JAK1: variants seen among roughly 807,000 people sequenced by gnomAD.
The protein encoded by JAK1 is tyrosine-protein kinase JAK1.
JAK1 carries 16 observed loss-of-function variants against 136.6 expected under a neutral mutation model. The observed-to-expected ratio is 0.12, with a 90% CI of 0.08 to 0.18. The LOEUF (loss-of-function observed/expected upper bound fraction) is 0.18, where lower values mean the gene tolerates loss of function less well. Ranked by LOEUF, JAK1 falls within the 10% of genes least tolerant of loss-of-function variation. JAK1 has a pLI of 1.00. For missense variants in JAK1, 859 were observed against 1,450.1 expected (o/e 0.59, Z 6.62); for synonymous variants, 492 against 519.5 (o/e 0.95, Z 0.72).
At chr1:64,901,746 T>C (rs928329117) in intron 1 of JAK1, among the ~76,000 whole-genome samples, 1 of 152,212 alleles carries the variant, frequency 6.6e-6, no homozygotes, top group Non-Finnish European at 1.5e-5. Flanking sequence ...CATCACTATC[T>C]ACTTCCAGAA....
intron 2 of JAK1, among the ~76,000 whole-genome samples, chr1:65,019,961 C>T (rs1646923628): frequency 6.6e-6 from 1 of 151,192 alleles, no homozygotes; most frequent in African/African-American, 2.4e-5. Flanking sequence ...CGTGGTGGCT[C>T]ACGCCTGTAA....
At chr1:64,843,795 G>A (rs752514754) in intron 17 of JAK1, among the ~76,000 whole-genome samples, 22 of 152,158 alleles carry the variant, frequency 1.4e-4, no homozygotes, top group Middle Eastern at 3.2e-3. Context: ...TATCGAGCTT[G>A]TACTGCATGC....
chr1:64,891,196 C>T (rs929810507), intron 1 of JAK1, among the ~76,000 whole-genome samples: 2 of 152,232 alleles, frequency 1.3e-5, no homozygotes, highest in Middle Eastern at 3.4e-3. Flanking sequence ...TGGAGTTAGG[C>T]ACTCGCACTT....
intron 2 of JAK1, among the ~76,000 whole-genome samples, chr1:65,039,513 C>T (rs1041937140): frequency 3.3e-5 from 5 of 152,286 alleles, no homozygotes; most frequent in African/African-American, 1.2e-4. Flanking sequence ...GAGGTTACAT[C>T]ATTTGTAAGC....
At chr1:64,915,038 G>C (rs1645369557) in intron 1 of JAK1, among the ~76,000 whole-genome samples, 1 of 152,076 alleles carries the variant, frequency 6.6e-6, no homozygotes, top group Admixed American at 6.5e-5. Context: ...ATGTGACCTT[G>C]AGTCAATTAT....
chr1:64,862,182 C>T lies in JAK1; in HGVS notation c.1177-1920G>A, dbSNP rs139522466. Among the ~76,000 whole-genome samples the T allele has an allele frequency of 5.1e-3, 783 of 152,322 alleles. 1 individual carries two copies. The highest frequency in any genetic ancestry group is 7.4e-3 in the Non-Finnish European group (501 of 68,022). The stretch of plus-strand genomic sequence containing the variant: ...GCATGGAGCAGTGGTCAACCCTCAG[C>T]TCAGGCTCTAGAGCCAGCTGCTCTG... On this transcript the variant is annotated intron_variant, in intron 8 of 24. Transcript: ENST00000342505.
intron 1 of JAK1, among the ~76,000 whole-genome samples, chr1:64,963,995 G>A (rs1384367687): frequency 2.0e-5 from 3 of 152,038 alleles, no homozygotes; most frequent in African/African-American, 7.2e-5. Context: ...ATCTCATTGG[G>A]TGCAAAATCA....
chr1:65,019,951 C>T (rs556407146), intron 2 of JAK1, among the ~76,000 whole-genome samples: 3 of 151,152 alleles, frequency 2.0e-5, no homozygotes, highest in South Asian at 2.1e-4. Context: ...GAAGGCAGAG[C>T]GTGGTGGCTC....
intron 2 of JAK1, among the ~76,000 whole-genome samples, chr1:65,022,289 C>G (rs970785547): frequency 2.0e-5 from 3 of 152,140 alleles, no homozygotes; most frequent in Non-Finnish European, 2.9e-5. Flanking sequence ...TCAAAGGAGC[C>G]CACATTGCCA....
intron 2 of JAK1, among the ~76,000 whole-genome samples, chr1:64,884,624 C>G (rs1236604228): frequency 6.6e-6 from 1 of 152,186 alleles, no homozygotes. Flanking sequence ...CCTCCCCTAC[C>G]CAATGCTACT....
rs1647238108 is a variant in JAK1 at position 65,049,852 on chromosome 1, T to C, written c.-180-5270A>G. On this transcript the variant is annotated intron_variant, in intron 1 of 25. Transcript: ENST00000671954. ...GCATAGGGAGCTCTTTCTGGGATAGTGGCTTACCAATTTTCAGACAATCAT... is the reference window on the plus strand; with the variant it reads ...GCATAGGGAGCTCTTTCTGGGATAGCGGCTTACCAATTTTCAGACAATCAT... 2.0e-5 allele frequency among the ~76,000 whole-genome samples: 3 copies of C among 152,322 alleles called. No homozygotes were observed. The South Asian group carries it at 6.2e-4, about 32-fold the overall frequency.
At chr1:65,049,818 A>G (rs1361840055) in intron 1 of JAK1, among the ~76,000 whole-genome samples, 1 of 152,164 alleles carries the variant, frequency 6.6e-6, no homozygotes, top group Non-Finnish European at 1.5e-5. Flanking sequence ...TTAGCATTGC[A>G]AGCCCTGGGC....
intron 10 of JAK1, among the ~76,000 whole-genome samples, chr1:64,857,439 G>A (rs970746285): frequency 3.9e-5 from 6 of 152,176 alleles, no homozygotes; most frequent in African/African-American, 1.4e-4. Context: ...AAGGAAGAAG[G>A]GCCCTACAGG....
At chr1:64,871,122 C>T (rs554112459) in intron 5 of JAK1, among the ~76,000 whole-genome samples, 10 of 152,218 alleles carry the variant, frequency 6.6e-5, no homozygotes, top group African/African-American at 2.4e-4. Context: ...TAAAAATGGC[C>T]AGTTCATTTT....
intron 4 of JAK1, among the ~76,000 whole-genome samples, chr1:64,877,920 A>G (rs1465022558): frequency 6.6e-6 from 1 of 152,232 alleles, no homozygotes; most frequent in African/African-American, 2.4e-5. Flanking sequence ...TTGGTTAAGC[A>G]TAGAAAGAAG....
chr1:64,933,714 C>A (rs953914368), intron 1 of JAK1, among the ~76,000 whole-genome samples: 4 of 152,194 alleles, frequency 2.6e-5, no homozygotes, highest in Non-Finnish European at 5.9e-5. Context: ...TCTCTGACTA[C>A]ATGACAAAGA....
At chr1:65,019,842 G>A (rs1038736282) in intron 2 of JAK1, among the ~76,000 whole-genome samples, 5 of 152,120 alleles carry the variant, frequency 3.3e-5, no homozygotes, top group African/African-American at 7.2e-5. Flanking sequence ...CTTGAACCCG[G>A]GAGGCAGAGG....
chr1:64,969,742 C>G (rs56818621), upstream of JAK1, among the ~76,000 whole-genome samples: 27,863 of 151,954 alleles, frequency 0.18, 3,073 homozygotes, highest in East Asian at 0.38. Flanking sequence ...CCCAAATTTT[C>G]TGAATTGGTT....
At chr1:64,990,573 CA>C (rs1435114563) in intron 2 of JAK1, 2 of 151,616 alleles carry the variant, frequency 1.3e-5, no homozygotes, top group Non-Finnish European at 2.9e-5. Context: ...TCAAAAACAA[CA>C]ACAAAAAAAA....
Sources: gnomAD v4.1 joint callset for allele counts (sites outside exome capture counted in the v4.1 genomes callset) on GRCh38, gnomAD v4.1.1 for gene constraint, MANE v1.5 for transcripts, NCBI Gene and HGNC (gene_info 2026-07-23, HGNC 2026-07-21) for gene names.